Variants in ABCC4 observed in about 807,000 individuals in gnomAD.
ABCC4 encodes the protein ATP binding cassette subfamily C member 4 (PEL blood group).
In ABCC4, 102 loss-of-function variants were observed where a neutral mutation model predicts 168.5. The ratio of observed to expected loss-of-function variants is 0.61; its 90% CI spans 0.52 to 0.71. The LOEUF (loss-of-function observed/expected upper bound fraction) is 0.71. Ranked by LOEUF, ABCC4 falls within the 30% of genes least tolerant of loss-of-function variation. The pLI, the probability that ABCC4 is intolerant of heterozygous loss-of-function variation, is 0.00. For synonymous variants in ABCC4, 617 were observed against 590.7 expected, an observed-to-expected ratio of 1.04 and a Z score of -0.65; for missense variants, 1,402 against 1,605.8, an observed-to-expected ratio of 0.87 and a Z score of 2.17.
At chr13:95,186,544 CGT>C (rs1251529098) in intron 11 of ABCC4, among the ~76,000 whole-genome samples, 155 bp downstream of exon 11, 1 of 152,012 alleles carries the variant, frequency 6.6e-6, no homozygotes, top group Non-Finnish European at 1.5e-5. Flanking sequence ...AAGGACAGAG[CGT>C]GTGTGTGTTT....
At chr13:95,065,958 C>T (rs1330602901) in intron 25 of ABCC4, among the ~76,000 whole-genome samples, 4 of 152,176 alleles carry the variant, frequency 2.6e-5, no homozygotes, top group Admixed American at 6.5e-5. Flanking sequence ...ATTAAACTTC[C>T]GAAGTACAGC....
At chr13:95,139,782 T>C (rs1406239420) in intron 19 of ABCC4, among the ~76,000 whole-genome samples, 1 of 152,148 alleles carries the variant, frequency 6.6e-6, no homozygotes, top group Non-Finnish European at 1.5e-5. Context: ...TCTCCCCAAA[T>C]TGACAGCTGT....
intron 4 of ABCC4, among the ~76,000 whole-genome samples, chr13:95,219,868 T>TTC (rs1555332837): frequency 3.4e-5 from 5 of 148,946 alleles, no homozygotes; most frequent in Admixed American, 6.7e-5. Context: ...GCTTTTTTTT[T>TTC]CCCCCCGAGA....
chr13:95,268,863 GT>G (rs11285749), intron 1 of ABCC4, among the ~76,000 whole-genome samples: 1,741 of 152,156 alleles, frequency 0.011, 29 homozygotes, highest in African/African-American at 0.039. Context: ...CCTGGCGCGG[GT>G]TCTCCGTATT....
intron 19 of ABCC4, among the ~76,000 whole-genome samples, chr13:95,145,708 T>C (rs1483859718): frequency 6.6e-6 from 1 of 151,490 alleles, no homozygotes; most frequent in Non-Finnish European, 1.5e-5. Flanking sequence ...TAGGTGCCCA[T>C]CAATGGTGGC....
At position 95,281,559 on chromosome 13, in the gene ABCC4, T is replaced by C. The variant is rs150323071; in HGVS notation, c.74+19682A>G. Among the ~76,000 whole-genome samples the C allele has an allele frequency of 6.2e-3, 949 of 152,252 alleles. 10 individuals are homozygous for C. Among genetic ancestry groups the C allele is most frequent in the African/African-American group, 0.022 (902 of 41,556 alleles). ...AGTATTCTGAAGTGTTTATGAAGAT[T>C]GGTTCCACATCTGAAGAATTTTAGT... On this transcript the variant is annotated intron_variant, in intron 1 of 30. Transcript: ENST00000645237.
chr13:95,171,355 A>G (rs577143723), intron 13 of ABCC4, among the ~76,000 whole-genome samples: 78 of 151,392 alleles, frequency 5.2e-4, no homozygotes, highest in African/African-American at 1.7e-3. Context: ...GTACCCACTC[A>G]AAGTTCTCCT....
Position 95,281,299 on chromosome 13 carries a change from CAAAAAAAAAAAA to C in ABCC4, c.74+19930_74+19941del, listed in dbSNP as rs10541756. 5.1e-4 allele frequency among the ~76,000 whole-genome samples: 25 copies of C among 48,712 alleles called. No individual in the cohort carries two copies. The Admixed American group carries it at 7.1e-3, about 14-fold the overall frequency. 32.0% of individuals were successfully genotyped at this position (48,712 alleles called of 152,430 possible). ...CACTCCTGGGCGACAGAGACTCTCTCAAAAAAAAAAAAAAAAAAAAAAAAAGAGAGAGAGAAA... is the reference window on the plus strand; with the variant it reads ...CACTCCTGGGCGACAGAGACTCTCTCAAAAAAAAAAAAAGAGAGAGAGAAA... On this transcript the variant is annotated intron_variant, in intron 1 of 30. Coordinates refer to ENST00000645237, the MANE Select transcript of ABCC4 (RefSeq NM_005845.5).
At chr13:95,046,891 T>C (rs994211443) in intron 27 of ABCC4, among the ~76,000 whole-genome samples, 1 of 152,168 alleles carries the variant, frequency 6.6e-6, no homozygotes, top group African/African-American at 2.4e-5. Context: ...GAGTGACAAC[T>C]GGGGAAATTG....
chr13:95,192,170 GAGA>G (rs2038274954), intron 9 of ABCC4, among the ~76,000 whole-genome samples: 1 of 152,190 alleles, frequency 6.6e-6, no homozygotes, highest in Admixed American at 6.5e-5. Context: ...CTAGGCTGGT[GAGA>G]AGACCTTCCC....
chr13:95,166,011 A>G (rs2037258321), intron 15 of ABCC4, 147 bp downstream of exon 15: 2 of 761,348 alleles, frequency 2.6e-6, no homozygotes, highest in Admixed American at 5.6e-5. Context: ...TTCCGTTTTA[A>G]TCTACCAATA....
intron 19 of ABCC4, among the ~76,000 whole-genome samples, chr13:95,137,900 C>T (rs930763286): frequency 1.3e-5 from 2 of 152,026 alleles, no homozygotes; most frequent in African/African-American, 2.4e-5. Flanking sequence ...TGACAGAGAA[C>T]ACTATAAATA....
intron 4 of ABCC4, among the ~76,000 whole-genome samples, chr13:95,224,906 A>T (rs2138724811): frequency 6.6e-6 from 1 of 152,300 alleles, no homozygotes; most frequent in African/African-American, 2.4e-5. Flanking sequence ...TGGAAAGACA[A>T]CTGAATAATT....
chr13:95,186,770 A>G lies in ABCC4; in HGVS notation c.1476T>C (p.Asn492=), dbSNP rs112066312. 2.0e-5 allele frequency: 33 copies of G among 1,614,150 alleles called. No individual in the cohort carries two copies. The highest frequency in any genetic ancestry group is 1.3e-4 in the African/African-American group (10 of 75,026). The change falls in exon 11 of 31, where the codon AAT becomes AAC. Residue 492 remains asparagine, a synonymous_variant. Coordinates refer to ENST00000645237, the MANE Select transcript of ABCC4 (RefSeq NM_005845.5). ...PWVFSGTLRS[N]ILFGKKYEKE... ...TTTCGTATTTCTTCCCAAATAAAATATTACTCCTCAGAGTTCCCGAGAACA... is the reference window on the plus strand; with the variant it reads ...TTTCGTATTTCTTCCCAAATAAAATGTTACTCCTCAGAGTTCCCGAGAACA...
intron 20 of ABCC4, among the ~76,000 whole-genome samples, chr13:95,092,743 GA>G (rs2139353514): frequency 6.6e-6 from 1 of 152,036 alleles, no homozygotes; most frequent in East Asian, 1.9e-4. Flanking sequence ...AGAACTAAAT[GA>G]AATGAAACAA....
chr13:95,075,371 G>C, intron 22 of ABCC4, 61 bp downstream of exon 22: 1 of 1,608,262 alleles, frequency 6.2e-7, no homozygotes, highest in East Asian at 2.2e-5. Flanking sequence ...TGACCAGGGA[G>C]GTTAAGCCAG....
At chr13:95,179,525 T>C (rs966765179) in intron 11 of ABCC4, among the ~76,000 whole-genome samples, 13 of 152,232 alleles carry the variant, frequency 8.5e-5, no homozygotes, top group African/African-American at 3.1e-4. Flanking sequence ...CATAATACTT[T>C]TTTTAAAAAA....
intron 1 of ABCC4, among the ~76,000 whole-genome samples, chr13:95,259,175 T>G (rs1594395727): frequency 6.6e-6 from 1 of 151,668 alleles, no homozygotes; most frequent in Non-Finnish European, 1.5e-5. Flanking sequence ...TCACCTGAGG[T>G]CAGGAGTTTG....
chr13:95,269,162 C>A, intron 1 of ABCC4: 4 of 399,228 alleles, frequency 1.0e-5, no homozygotes, highest in Admixed American at 5.9e-5. Context: ...GTCATTCTAG[C>A]AGATTATTGA....
Sources: gnomAD v4.1 joint callset for allele counts (sites outside exome capture counted in the v4.1 genomes callset) on GRCh38, gnomAD v4.1.1 for gene constraint, MANE v1.5 for transcripts, NCBI Gene and HGNC (gene_info 2026-07-23, HGNC 2026-07-21) for gene names.